The following MCTP2 variants were observed in gnomAD, a reference collection of about 807,000 sequenced individuals.
MCTP2 encodes the protein multiple C2 and transmembrane domain-containing protein 2.
MCTP2 carries 132 observed loss-of-function variants against 111.6 expected under a neutral mutation model. The ratio of observed to expected loss-of-function variants is 1.18; its 90% CI spans 1.03 to 1.37. The LOEUF is 1.37. Ranked by LOEUF, MCTP2 falls within the 40% of genes most tolerant of loss-of-function variation. The pLI is 0.00. For synonymous variants in MCTP2, 395 were observed against 387.7 expected (o/e 1.02, Z -0.22); for missense variants, 1,183 against 1,067.9 (o/e 1.11, Z -1.50).
At chr15:94,407,611 A>G (rs1292912312) in intron 17 of MCTP2, among the ~76,000 whole-genome samples, 1 of 152,218 alleles carries the variant, frequency 6.6e-6, no homozygotes, top group Non-Finnish European at 1.5e-5. Flanking sequence ...AAGTTAAAAA[A>G]TACAACTGTC....
chr15:94,461,556 T>A (rs999610501), intron 20 of MCTP2, among the ~76,000 whole-genome samples: 1 of 152,056 alleles, frequency 6.6e-6, no homozygotes, highest in Non-Finnish European at 1.5e-5. Context: ...GTTCTATCAT[T>A]ATGGAGTGAG....
chr15:94,394,460 T>C (rs572669025), intron 14 of MCTP2, among the ~76,000 whole-genome samples: 2 of 152,248 alleles, frequency 1.3e-5, no homozygotes, highest in East Asian at 1.9e-4. Context: ...GAGTGTTTGT[T>C]TAAAAATGTT....
At chr15:94,242,368 A>T (rs2071033659) in intron 1 of MCTP2, among the ~76,000 whole-genome samples, 1 of 152,140 alleles carries the variant, frequency 6.6e-6, no homozygotes. Context: ...GATACTTCAT[A>T]AATGTCTATT....
At chr15:94,412,409 T>A (rs927795338) in intron 17 of MCTP2, among the ~76,000 whole-genome samples, 1 of 152,100 alleles carries the variant, frequency 6.6e-6, no homozygotes, top group African/African-American at 2.4e-5. Context: ...AAATCTGTAT[T>A]GCTACCTCGT....
chr15:94,427,183 A>G (rs1377985956), intron 17 of MCTP2, among the ~76,000 whole-genome samples: 1 of 152,100 alleles, frequency 6.6e-6, no homozygotes, highest in Non-Finnish European at 1.5e-5. Flanking sequence ...TGCAGTTACC[A>G]TGCATGCACT....
chr15:94,472,782 A>G (rs2074034966), intron 21 of MCTP2, among the ~76,000 whole-genome samples: 1 of 152,226 alleles, frequency 6.6e-6, no homozygotes, highest in Non-Finnish European at 1.5e-5. Context: ...AAAAACTGCC[A>G]TGCCATCCTA....
At chr15:94,307,671 G>A (rs1596319194) in intron 2 of MCTP2, among the ~76,000 whole-genome samples, 2 of 152,172 alleles carry the variant, frequency 1.3e-5, no homozygotes, top group Admixed American at 6.5e-5. Context: ...GTTGGCACAC[G>A]GGCAGTGCTT....
chr15:94,334,155 C>T (rs761014451), intron 4 of MCTP2, among the ~76,000 whole-genome samples: 2 of 152,108 alleles, frequency 1.3e-5, no homozygotes, highest in South Asian at 2.1e-4. Flanking sequence ...AGCAAATGAC[C>T]GAAGCCTGCT....
chr15:94,476,602 TGACAGATAGATAGATAGATAGATA>T, intron 21 of MCTP2, 70 bp from the exon 22 acceptor site: 1 of 711,860 alleles, frequency 1.4e-6, no homozygotes, highest in Non-Finnish European at 2.3e-6. Flanking sequence ...GATGATTGAC[TGACAGATAGATAGATAGATAGATA>T]GATAGATAGA....
intron 17 of MCTP2, among the ~76,000 whole-genome samples, chr15:94,415,166 A>G (rs1222494538): frequency 6.6e-6 from 1 of 151,984 alleles, no homozygotes; most frequent in African/African-American, 2.4e-5. Flanking sequence ...GTGTTAATGC[A>G]CTCTGCAAAG....
chr15:94,358,576 G>A lies in MCTP2; in HGVS notation c.1265G>A (p.Gly422Glu), dbSNP rs761523056. Residue 422 changes from glycine (G) to glutamate (E), a missense_variant, in exon 10 of 23, where the codon GGA becomes GAA. Physicochemically the swap from Gly to Glu is moderately conservative, Grantham distance 98. Transcript: ENST00000357742. ...GGCATTTTGGACATTGAAGTGTGGG[G>A]AAAGGACAACAAAAAGCATGAGGAA... ...RMGILDIEVW[G>E]KDNKKHEERL... The A allele has an allele frequency of 1.2e-6, 2 of 1,613,826 alleles. No homozygotes were observed. Among genetic ancestry groups the A allele is most frequent in the East Asian group, 2.2e-5 (1 of 44,854 alleles).
intron 8 of MCTP2, among the ~76,000 whole-genome samples, chr15:94,348,723 G>C (rs1264878055): frequency 2.6e-5 from 4 of 151,386 alleles, no homozygotes; most frequent in African/African-American, 4.9e-5. Flanking sequence ...AAACCCTCTT[G>C]CAGGAGGAAA....
chr15:94,239,201 A>AT (rs1236029556), intron 1 of MCTP2, among the ~76,000 whole-genome samples: 1 of 152,206 alleles, frequency 6.6e-6, no homozygotes, highest in African/African-American at 2.4e-5. Flanking sequence ...AAAAAATAAC[A>AT]TTATATTTCT....
intron 20 of MCTP2, among the ~76,000 whole-genome samples, chr15:94,465,120 T>C (rs142851132): frequency 2.2e-3 from 336 of 152,280 alleles, no homozygotes; most frequent in Non-Finnish European, 2.8e-3. Context: ...ATTTTGAAGC[T>C]ACATTATTTG....
intron 1 of MCTP2, among the ~76,000 whole-genome samples, chr15:94,245,788 A>C (rs967897026): frequency 7.9e-5 from 12 of 151,028 alleles, no homozygotes; most frequent in African/African-American, 2.9e-4. Flanking sequence ...AACCTAGTCA[A>C]TGGCTTCATT....
intron 2 of MCTP2, among the ~76,000 whole-genome samples, chr15:94,301,972 G>T (rs1163982023): frequency 6.6e-6 from 1 of 151,940 alleles, no homozygotes; most frequent in Non-Finnish European, 1.5e-5. Context: ...TATACCTTGT[G>T]TGGAATGAGG....
At chr15:94,425,358 TTTC>T (rs1374094694) in intron 17 of MCTP2, among the ~76,000 whole-genome samples, 1 of 152,156 alleles carries the variant, frequency 6.6e-6, no homozygotes, top group Non-Finnish European at 1.5e-5. Flanking sequence ...CCAATTTCCT[TTTC>T]TTCTTCAAGA....
chr15:94,358,005 C>G (rs2078723770), intron 9 of MCTP2, among the ~76,000 whole-genome samples: 1 of 152,178 alleles, frequency 6.6e-6, no homozygotes, highest in Non-Finnish European at 1.5e-5. Flanking sequence ...TAGCAATATA[C>G]AAGTCGTGGG....
intron 4 of MCTP2, among the ~76,000 whole-genome samples, chr15:94,317,445 A>G (rs1436589087): frequency 3.9e-5 from 6 of 152,238 alleles, no homozygotes; most frequent in Admixed American, 1.3e-4. Flanking sequence ...TTCTCTCTGC[A>G]TACGCCTGTG....
Sources: allele counts gnomAD v4.1 joint callset (sites outside exome capture counted in the v4.1 genomes callset), GRCh38; gene constraint gnomAD v4.1.1; transcripts MANE v1.5; gene names NCBI Gene and HGNC (gene_info 2026-07-23, HGNC 2026-07-21).